Variants in KCTD8 observed in about 807,000 individuals in gnomAD.
KCTD8 encodes BTB/POZ domain-containing protein KCTD8.
Under a neutral mutation model 31.5 loss-of-function variants are expected in KCTD8, and 27 were observed. The observed-to-expected ratio is 0.86, with a 90% CI of 0.63 to 1.18. KCTD8 has a LOEUF of 1.18. KCTD8 is among the 50% of genes most tolerant of loss of function. The pLI, the probability that KCTD8 is intolerant of heterozygous loss-of-function variation, is 0.00. For missense variants in KCTD8, 658 were observed against 647.7 expected, an observed-to-expected ratio of 1.02 and a Z score of -0.17; for synonymous variants, 290 against 280.0, an observed-to-expected ratio of 1.04 and a Z score of -0.36.
At position 44,448,424 on chromosome 4, in the gene KCTD8, G is replaced by GGGC; in HGVS notation, c.97_99dup (p.Ala33dup). On this transcript the variant is annotated inframe_insertion, in exon 1 of 2. Coordinates refer to ENST00000360029, the MANE Select transcript of KCTD8 (RefSeq NM_198353.3). This position sits in a 1 kb window ranked among gnomAD's most constrained non-coding sequence, Gnocchi z 4.1. ...AAGGGCGAGGGTGCGCAGGGCCCCG[G>GGGC]GGCGGCGGCGGCCGACGCGCCGGGC... 6.4e-7 allele frequency: 1 copy of GGGC among 1,557,896 alleles called. No individual in the cohort carries two copies.
intron 1 of KCTD8, among the ~76,000 whole-genome samples, chr4:44,397,620 A>G (rs1720539424): frequency 2.0e-5 from 3 of 152,184 alleles, no homozygotes; most frequent in Non-Finnish European, 2.9e-5. Context: ...GCAGTTGGCA[A>G]TAGTATTCCA....
At chr4:44,188,365 T>C (rs1433422290) in intron 1 of KCTD8, among the ~76,000 whole-genome samples, 6 of 152,216 alleles carry the variant, frequency 3.9e-5, no homozygotes, top group Non-Finnish European at 8.8e-5. Flanking sequence ...AGCTTTTGAA[T>C]AGAGCAGAAT....
intron 1 of KCTD8, among the ~76,000 whole-genome samples, chr4:44,329,444 A>G (rs776736640): frequency 6.6e-6 from 1 of 151,996 alleles, no homozygotes; most frequent in Non-Finnish European, 1.5e-5. Context: ...GTATTACTTT[A>G]TCTTCTAATT....
intron 1 of KCTD8, among the ~76,000 whole-genome samples, chr4:44,212,641 A>T (rs1420689340): frequency 6.6e-6 from 1 of 152,202 alleles, no homozygotes; most frequent in Non-Finnish European, 1.5e-5. Context: ...AAATTAAAAA[A>T]AAATTCCAGT....
chr4:44,303,671 C>T (rs1305026570), intron 1 of KCTD8, among the ~76,000 whole-genome samples: 1 of 151,878 alleles, frequency 6.6e-6, no homozygotes, highest in East Asian at 1.9e-4. Context: ...CAAAAATTAG[C>T]TGGGTGTGGT....
intron 1 of KCTD8, among the ~76,000 whole-genome samples, chr4:44,316,822 A>AAAAAAAAAAAAAAAC (rs1718130201): frequency 7.4e-6 from 1 of 134,442 alleles, no homozygotes; most frequent in Non-Finnish European, 1.6e-5. Context: ...AAAAAAAAAA[A>AAAAAAAAAAAAAAAC]AGAAGATAAG....
At chr4:44,312,904 T>C (rs886899081) in intron 1 of KCTD8, among the ~76,000 whole-genome samples, 1 of 152,158 alleles carries the variant, frequency 6.6e-6, no homozygotes, top group Non-Finnish European at 1.5e-5. Flanking sequence ...TCTCAACTTC[T>C]TTCAATGTGT....
chr4:44,340,247 T>C (rs1208481653), intron 1 of KCTD8, among the ~76,000 whole-genome samples: 1 of 151,980 alleles, frequency 6.6e-6, no homozygotes, highest in Non-Finnish European at 1.5e-5. Context: ...ATTGAAAGAA[T>C]TGTACAAGAA....
chr4:44,390,689 C>T (rs746467639), intron 1 of KCTD8, among the ~76,000 whole-genome samples: 3 of 151,748 alleles, frequency 2.0e-5, no homozygotes, highest in Non-Finnish European at 2.9e-5. Flanking sequence ...CGCGATACCA[C>T]CTTATTCCTG....
At chr4:44,223,463 ACT>A (rs1714864716) in intron 1 of KCTD8, among the ~76,000 whole-genome samples, 2 of 152,110 alleles carry the variant, frequency 1.3e-5, no homozygotes, top group African/African-American at 4.8e-5. Context: ...CTTAACAGAC[ACT>A]CTGAAACGCT....
At chr4:44,277,640 A>G (rs1716790363) in intron 1 of KCTD8, among the ~76,000 whole-genome samples, 1 of 151,920 alleles carries the variant, frequency 6.6e-6, no homozygotes, top group African/African-American at 2.4e-5. Flanking sequence ...TTTTTCCTCG[A>G]TAATTAATTA....
At chr4:44,304,916 A>G in intron 1 of KCTD8, among the ~76,000 whole-genome samples, 1 of 151,928 alleles carries the variant, frequency 6.6e-6, no homozygotes, top group East Asian at 1.9e-4. Flanking sequence ...ACTTGAGCCC[A>G]GGAGTTGAAC....
intron 1 of KCTD8, among the ~76,000 whole-genome samples, chr4:44,402,639 C>A (rs1720693263): frequency 6.6e-6 from 1 of 152,048 alleles, no homozygotes; most frequent in Non-Finnish European, 1.5e-5. Flanking sequence ...AATGTATTTA[C>A]ACTTAGATTT....
chr4:44,205,926 C>T (rs191058380), intron 1 of KCTD8, among the ~76,000 whole-genome samples: 165 of 152,112 alleles, frequency 1.1e-3, no homozygotes, highest in African/African-American at 4.0e-3. Flanking sequence ...AAGCTAATGG[C>T]ATAGAGGAGA....
intron 1 of KCTD8, among the ~76,000 whole-genome samples, chr4:44,336,149 C>CAAAAAAAAAAA (rs58161667): frequency 4.3e-5 from 2 of 46,526 alleles, no homozygotes; most frequent in African/African-American, 8.2e-5. Context: ...GACTCCGTCT[C>CAAAAAAAAAAA]AAAAAAAAAA....
At chr4:44,357,020 T>C (rs531447614) in intron 1 of KCTD8, among the ~76,000 whole-genome samples, 1 of 151,818 alleles carries the variant, frequency 6.6e-6, no homozygotes, top group African/African-American at 2.4e-5. Context: ...TCCTCCTTTG[T>C]AAGATGTCAT....
At chr4:44,182,554 C>T (rs1713458107) in intron 1 of KCTD8, among the ~76,000 whole-genome samples, 1 of 152,120 alleles carries the variant, frequency 6.6e-6, no homozygotes, top group Non-Finnish European at 1.5e-5. Context: ...AAGGGCGGTG[C>T]AAGATGTGCT....
chr4:44,329,565 T>C (rs1374393997), intron 1 of KCTD8, among the ~76,000 whole-genome samples: 2 of 152,000 alleles, frequency 1.3e-5, no homozygotes, highest in Admixed American at 6.6e-5. Flanking sequence ...AAGCTCTATA[T>C]AGATGTAACA....
At chr4:44,299,580 T>C (rs1026500505) in intron 1 of KCTD8, among the ~76,000 whole-genome samples, 3 of 151,932 alleles carry the variant, frequency 2.0e-5, no homozygotes, top group African/African-American at 7.2e-5. Flanking sequence ...ATACAAAAAT[T>C]AGCTGGACGT....
Sources: gnomAD v4.1 joint callset for allele counts (sites outside exome capture counted in the v4.1 genomes callset) on GRCh38, gnomAD v4.1.1 for gene constraint, Gnocchi (gnomAD v3.1) non-coding constraint, MANE v1.5 for transcripts, NCBI Gene and HGNC (gene_info 2026-07-23, HGNC 2026-07-21) for gene names.